The following CFAP299 variants were observed in gnomAD, a reference collection of about 807,000 sequenced individuals.
The protein encoded by CFAP299 is cilia- and flagella-associated protein 299.
CFAP299 carries 21 observed loss-of-function variants against 27.0 expected under a neutral mutation model. The observed-to-expected ratio is 0.78, with a 90% CI of 0.55 to 1.12. The LOEUF (loss-of-function observed/expected upper bound fraction) is 1.12. Ranked by LOEUF, CFAP299 falls within the 50% of genes most tolerant of loss-of-function variation. CFAP299 has a pLI of 0.00. For synonymous variants in CFAP299, 104 were observed against 98.1 expected (o/e 1.06, Z -0.36); for missense variants, 310 against 276.6 (o/e 1.12, Z -0.86).
At chr4:80,766,650 T>A (rs1168931693) in intron 3 of CFAP299, among the ~76,000 whole-genome samples, 1 of 152,194 alleles carries the variant, frequency 6.6e-6, no homozygotes, top group Non-Finnish European at 1.5e-5. Flanking sequence ...CTCCACTTCC[T>A]TTGTTCCCTT....
intron 3 of CFAP299, among the ~76,000 whole-genome samples, chr4:80,699,368 T>C (rs1031710868): frequency 2.6e-5 from 4 of 152,202 alleles, no homozygotes; most frequent in Non-Finnish European, 5.9e-5. Context: ...TGTTATCTAT[T>C]GCTGCTTCTT....
chr4:80,539,397 G>A lies in CFAP299; in HGVS notation c.243-43696G>A, dbSNP rs562985935. Among the ~76,000 whole-genome samples the A allele has an allele frequency of 3.3e-5, 5 of 152,270 alleles. No individual in the cohort carries two copies. In the South Asian group the frequency reaches 1.0e-3, roughly 32 times the overall value. On this transcript the variant is annotated intron_variant, in intron 2 of 5. Coordinates refer to ENST00000358105, the MANE Select transcript of CFAP299 (RefSeq NM_152770.3). ...TCAGGAGGCAGGAGCAGGAATGAAG[G>A]GACAGCATGGCCCAGAGCATTTATT... is the stretch of plus-strand genomic sequence containing the variant.
At chr4:80,874,277 T>C (rs940638167) in intron 4 of CFAP299, among the ~76,000 whole-genome samples, 3 of 152,132 alleles carry the variant, frequency 2.0e-5, no homozygotes, top group African/African-American at 4.8e-5. Flanking sequence ...GAGGGGGAAA[T>C]ACTTTGAGCG....
Position 80,448,547 on chromosome 4 carries a change from C to T in CFAP299, c.242+85663C>T, listed in dbSNP as rs535470540. Among the ~76,000 whole-genome samples, 4 of 152,026 alleles carry T rather than the reference C, an allele frequency of 2.6e-5. No individual in the cohort carries two copies. In the East Asian group the frequency reaches 7.7e-4, roughly 29 times the overall value. On this transcript the variant is annotated intron_variant, in intron 2 of 5. Coordinates refer to ENST00000358105, the MANE Select transcript of CFAP299 (RefSeq NM_152770.3). ...CTATTATGCCACTAACTCTATTAAA[C>T]CTTAAATTTTCTTTTAACATAAATG...
chr4:80,925,013 T>C (rs534934153), intron 4 of CFAP299, among the ~76,000 whole-genome samples: 5 of 152,042 alleles, frequency 3.3e-5, no homozygotes, highest in African/African-American at 1.2e-4. Context: ...ATTTTCCCTA[T>C]TTGTTGTTTG....
chr4:80,418,379 C>T (rs577339764), intron 2 of CFAP299, among the ~76,000 whole-genome samples: 1 of 151,938 alleles, frequency 6.6e-6, no homozygotes, highest in Non-Finnish European at 1.5e-5. Flanking sequence ...TGACAAATGA[C>T]AGTTGTATAT....
chr4:80,869,173 T>G (rs1232443584), intron 3 of CFAP299, among the ~76,000 whole-genome samples: 1 of 152,106 alleles, frequency 6.6e-6, no homozygotes, highest in Admixed American at 6.6e-5. Flanking sequence ...ATAAGTGGCT[T>G]AAAAGCATGG....
chr4:80,431,565 C>T (rs768650494), intron 2 of CFAP299, among the ~76,000 whole-genome samples: 14 of 151,978 alleles, frequency 9.2e-5, no homozygotes, highest in Admixed American at 3.3e-4. Flanking sequence ...TCCTTCTTCT[C>T]CTTTTATTTT....
chr4:80,802,992 A>T (rs1450796526), intron 3 of CFAP299, among the ~76,000 whole-genome samples: 1 of 152,096 alleles, frequency 6.6e-6, no homozygotes, highest in African/African-American at 2.4e-5. Flanking sequence ...GTAGGGTTAA[A>T]CATCATGCAA....
chr4:80,348,536 T>G (rs1246071647), intron 1 of CFAP299, among the ~76,000 whole-genome samples: 1 of 152,058 alleles, frequency 6.6e-6, no homozygotes, highest in Admixed American at 6.5e-5. Flanking sequence ...TAAAAAAAGC[T>G]CAACATCACT....
chr4:80,622,199 A>G (rs1038368393), intron 3 of CFAP299, among the ~76,000 whole-genome samples: 7 of 152,200 alleles, frequency 4.6e-5, no homozygotes, highest in Non-Finnish European at 1.0e-4. Context: ...GAGGAAAAAC[A>G]TAATAGGAGA....
At chr4:80,766,623 T>G (rs73829118) in intron 3 of CFAP299, among the ~76,000 whole-genome samples, 8,211 of 152,250 alleles carry the variant, frequency 0.054, 750 homozygotes, top group African/African-American at 0.19. Context: ...TTTATGGCTC[T>G]TCTTCAGGCC....
intron 3 of CFAP299, among the ~76,000 whole-genome samples, chr4:80,744,381 G>A (rs1458230497): frequency 8.4e-6 from 1 of 119,288 alleles, no homozygotes; most frequent in Non-Finnish European, 1.6e-5. Flanking sequence ...CAGCCCAGAA[G>A]TGTTTTTATG....
chr4:80,729,124 T>G, intron 3 of CFAP299, among the ~76,000 whole-genome samples: 1 of 152,194 alleles, frequency 6.6e-6, no homozygotes, highest in South Asian at 2.1e-4. Context: ...CTTCATAGAT[T>G]CTCTAGTCAT....
intron 4 of CFAP299, among the ~76,000 whole-genome samples, chr4:80,926,794 T>C (rs1490911804): frequency 6.6e-6 from 1 of 152,062 alleles, no homozygotes. Flanking sequence ...ATATAGGAAT[T>C]TATGGAGCAA....
chr4:80,386,681 C>T (rs1008815454), intron 2 of CFAP299: 12 of 1,578,536 alleles, frequency 7.6e-6, no homozygotes, highest in African/African-American at 2.7e-5. Flanking sequence ...GTGGGCACGG[C>T]GGCTGAAGGA....
At chr4:80,502,137 CT>C (rs949543126) in intron 2 of CFAP299, among the ~76,000 whole-genome samples, 2 of 152,022 alleles carry the variant, frequency 1.3e-5, no homozygotes, top group African/African-American at 4.8e-5. Flanking sequence ...TTCAAGACCA[CT>C]GTGGATCAGA....
At chr4:80,459,968 G>C (rs1729357731) in intron 2 of CFAP299, among the ~76,000 whole-genome samples, 1 of 152,140 alleles carries the variant, frequency 6.6e-6, no homozygotes, top group African/African-American at 2.4e-5. Flanking sequence ...GGTGTGTATG[G>C]AAGTTATACA....
intron 3 of CFAP299, among the ~76,000 whole-genome samples, chr4:80,652,116 G>A (rs1166923633): frequency 6.6e-6 from 1 of 151,934 alleles, no homozygotes; most frequent in Admixed American, 6.6e-5. Flanking sequence ...CTGACTACAG[G>A]GGTGACAATA....
Sources: allele counts gnomAD v4.1 joint callset (sites outside exome capture counted in the v4.1 genomes callset), GRCh38; gene constraint gnomAD v4.1.1; transcripts MANE v1.5; gene names NCBI Gene and HGNC (gene_info 2026-07-23, HGNC 2026-07-21).